The following ELAVL1 variants were observed in gnomAD, a reference collection of about 807,000 sequenced individuals.
ELAVL1 encodes ELAV-like protein 1.
In ELAVL1, 1 loss-of-function variant was observed where a neutral mutation model predicts 28.4. That is an observed-to-expected ratio of 0.04 (90% CI 0.01 to 0.17). ELAVL1 has a LOEUF of 0.17. Among genes scored for constraint, ELAVL1 ranks in the 10% least tolerant of loss-of-function variants. The pLI, the probability that ELAVL1 is intolerant of heterozygous loss-of-function variation, is 1.00. For synonymous variants in ELAVL1, 174 were observed against 183.5 expected, an observed-to-expected ratio of 0.95 and a Z score of 0.42; for missense variants, 157 against 447.2, an observed-to-expected ratio of 0.35 and a Z score of 5.85.
intron 2 of ELAVL1, among the ~76,000 whole-genome samples, chr19:7,983,556 T>C (rs1466515617): frequency 6.6e-6 from 1 of 151,586 alleles, no homozygotes; most frequent in Non-Finnish European, 1.5e-5. Context: ...CCTGGCTGGG[T>C]TTTTTTCACT....
Position 7,984,276 on chromosome 19 carries a change from C to T in ELAVL1, c.173-3090G>A, listed in dbSNP as rs575766160. ...GGACGGTCGCTGCCATCATGAAAGC[C>T]ATCACATCCCTGGGGGCAAGTCAGA... On this transcript the variant is annotated intron_variant, in intron 2 of 5. Transcript: ENST00000407627. Among the ~76,000 whole-genome samples the T allele has an allele frequency of 2.0e-3, 308 of 152,252 alleles. 1 individual carries two copies. Among genetic ancestry groups the T allele is most frequent in the African/African-American group, 6.9e-3 (288 of 41,556 alleles).
At chr19:8,003,536 CA>C (rs1206311151) in intron 1 of ELAVL1, among the ~76,000 whole-genome samples, 1 of 151,550 alleles carries the variant, frequency 6.6e-6, no homozygotes, top group African/African-American at 2.4e-5. Context: ...ACTAAAAGTA[CA>C]AAAAATTAGT....
chr19:7,968,546 G>A (rs1269162689), intron 4 of ELAVL1, among the ~76,000 whole-genome samples: 1 of 152,166 alleles, frequency 6.6e-6, no homozygotes, highest in Non-Finnish European at 1.5e-5. Context: ...GGCAGGCCTG[G>A]GGTCCCTGTA....
Position 7,967,607 on chromosome 19 carries a change from C to T in ELAVL1, c.614G>A (p.Arg205Gln), listed in dbSNP as rs1284436080. The change falls in exon 5 of 6, where the codon CGA becomes CAA. Residue 205 changes from arginine (R) to glutamine (Q), a missense_variant. By Grantham distance (43) the Arg-to-Gln change is conservative. Transcript: ENST00000407627. Reference protein sequence around the residue: ...LLSQLYHSPARRFGGPVHHQA... With the variant: ...LLSQLYHSPAQRFGGPVHHQA... ...GTGGTGAACGGGGCCTCCGAACCGT[C>T]GCGCTGGCGAGTGGTACAGCTGCGA... is the stretch of plus-strand genomic sequence containing the variant. 1.9e-6 allele frequency: 3 copies of T among 1,614,012 alleles called. No individual in the cohort carries two copies. Among genetic ancestry groups the T allele is most frequent in the Non-Finnish European group, 2.5e-6 (3 of 1,180,010 alleles).
At chr19:8,002,217 A>G (rs981554279) in intron 1 of ELAVL1, 56 of 978,846 alleles carry the variant, frequency 5.7e-5, no homozygotes, top group Non-Finnish European at 7.1e-5. Flanking sequence ...TGTATCCTAA[A>G]AAGCCCCACC....
In ELAVL1 at chr19:7,981,731, T is replaced by A. The variant is rs7251038; in HGVS notation, c.173-545A>T. Reference sequence around the variant, plus strand: ...AAGTTATTTACAAAGGAGTATTTTTTAAAAATACTGTGCTACGGACAGCAT... The same window carrying A: ...AAGTTATTTACAAAGGAGTATTTTTAAAAAATACTGTGCTACGGACAGCAT... On this transcript the variant is annotated intron_variant, in intron 2 of 5. Transcript: ENST00000407627. This position sits in a 1 kb window ranked among gnomAD's most constrained non-coding sequence, Gnocchi z 4.2. Among the ~76,000 whole-genome samples, 132,389 of 151,962 alleles carry A rather than the reference T, an allele frequency of 0.87. 58,016 individuals are homozygous for A. The highest frequency in any genetic ancestry group is 0.97 in the African/African-American group (40,028 of 41,448).
chr19:7,984,759 CCTGGTT>C (rs1372103652), intron 2 of ELAVL1, among the ~76,000 whole-genome samples: 18 of 152,188 alleles, frequency 1.2e-4, no homozygotes, highest in African/African-American at 4.3e-4. Context: ...ATGAAGGTGC[CCTGGTT>C]TCCACCCGCT....
Position 8,001,785 on chromosome 19 carries a change from T to C in ELAVL1, c.-17+3710A>G, listed in dbSNP as rs77130022. Reference sequence around the variant, plus strand: ...CAGCCACAGATGTCTGTTTGACAGGTACCTGGATCCAGTCGCTTCTGAGTA... The same window carrying C: ...CAGCCACAGATGTCTGTTTGACAGGCACCTGGATCCAGTCGCTTCTGAGTA... On this transcript the variant is annotated intron_variant, in intron 1 of 5. Coordinates refer to ENST00000407627, the MANE Select transcript of ELAVL1 (RefSeq NM_001419.3). Among the ~76,000 whole-genome samples the C allele has an allele frequency of 3.5e-4, 54 of 152,240 alleles. 1 individual carries two copies. The highest frequency in any genetic ancestry group is 3.5e-4 in the Non-Finnish European group (24 of 68,014).
intron 2 of ELAVL1, among the ~76,000 whole-genome samples, chr19:7,990,615 C>T (rs1373639096): frequency 1.3e-5 from 2 of 152,126 alleles, no homozygotes; most frequent in Non-Finnish European, 2.9e-5. Context: ...ATCCTCCCAC[C>T]TCGACCTCCC....
intron 4 of ELAVL1, among the ~76,000 whole-genome samples, chr19:7,969,281 A>G (rs766229359): frequency 2.0e-5 from 3 of 152,206 alleles, no homozygotes; most frequent in Non-Finnish European, 4.4e-5. Context: ...GGTGCATGGT[A>G]ACAAACAACG....
chr19:7,996,237 A>C (rs1468580490), intron 1 of ELAVL1, among the ~76,000 whole-genome samples: 2 of 148,926 alleles, frequency 1.3e-5, no homozygotes, highest in Admixed American at 1.3e-4. Context: ...GCTGGAGTGC[A>C]GTGGCATGAT....
intron 3 of ELAVL1, among the ~76,000 whole-genome samples, chr19:7,976,823 A>G (rs1337376924): frequency 1.9e-4 from 28 of 149,998 alleles, no homozygotes; most frequent in Admixed American, 1.9e-3. Context: ...TGCGTTGATC[A>G]TGACCTGACA....
intron 1 of ELAVL1, among the ~76,000 whole-genome samples, chr19:8,001,630 A>G (rs1397771690): frequency 7.0e-6 from 1 of 143,658 alleles, no homozygotes; most frequent in Admixed American, 7.1e-5. Flanking sequence ...CACTCTTAAA[A>G]AAAATTTTTT....
chr19:7,975,923 AC>A (rs1025393939), intron 3 of ELAVL1, among the ~76,000 whole-genome samples: 2 of 151,784 alleles, frequency 1.3e-5, no homozygotes, highest in South Asian at 2.1e-4. Context: ...ACATGGCAAG[AC>A]CCCATCTCTA....
chr19:7,976,860 G>GT (rs1366444309), intron 3 of ELAVL1, among the ~76,000 whole-genome samples: 8 of 133,184 alleles, frequency 6.0e-5, no homozygotes, highest in African/African-American at 1.4e-4. Flanking sequence ...TTTTTTTTTA[G>GT]TTTTTTTTGT....
chr19:7,998,093 C>G (rs991792062), intron 1 of ELAVL1, among the ~76,000 whole-genome samples: 1 of 152,180 alleles, frequency 6.6e-6, no homozygotes, highest in Non-Finnish European at 1.5e-5. Flanking sequence ...ACTAGTAACA[C>G]GGGAGAAACC....
rs1175743754 is a variant in ELAVL1, at chr19:7,982,202, G to A, written c.173-1016C>T. On this transcript the variant is annotated intron_variant, in intron 2 of 5. Coordinates refer to ENST00000407627, the MANE Select transcript of ELAVL1 (RefSeq NM_001419.3). This position sits in a 1 kb window ranked among gnomAD's most constrained non-coding sequence, Gnocchi z 4.3. ...GTCAGGGTTCAGAAGGAGCTTCACAGGACATTTGGCCAAATGCTCTCACTA... is the reference window on the plus strand; with the variant it reads ...GTCAGGGTTCAGAAGGAGCTTCACAAGACATTTGGCCAAATGCTCTCACTA... Among the ~76,000 whole-genome samples the A allele has an allele frequency of 6.6e-6, 1 of 152,234 alleles. No homozygotes were observed. Among genetic ancestry groups the A allele is most frequent in the South Asian group, 2.1e-4 (1 of 4,826 alleles).
At chr19:7,986,118 G>GCCAGACACAATGCTTCCATC (rs1985594309) in intron 2 of ELAVL1, among the ~76,000 whole-genome samples, 1 of 152,222 alleles carries the variant, frequency 6.6e-6, no homozygotes, top group African/African-American at 2.4e-5. Flanking sequence ...GTCTTATGCT[G>GCCAGACACAATGCTTCCATC]CCAGACACAA....
At chr19:7,984,826 C>T (rs148471349) in intron 2 of ELAVL1, among the ~76,000 whole-genome samples, 3 of 152,360 alleles carry the variant, frequency 2.0e-5, no homozygotes, top group Admixed American at 6.5e-5. Context: ...CCACCCACCT[C>T]CACCTTTGCC....
Sources: gnomAD v4.1 joint callset for allele counts (sites outside exome capture counted in the v4.1 genomes callset) on GRCh38, gnomAD v4.1.1 for gene constraint, Gnocchi (gnomAD v3.1) non-coding constraint, MANE v1.5 for transcripts, NCBI Gene and HGNC (gene_info 2026-07-23, HGNC 2026-07-21) for gene names.